The following SORBS2 variants were observed in gnomAD, a reference collection of about 807,000 sequenced individuals.
The protein encoded by SORBS2 is sorbin and SH3 domain-containing protein 2.
In SORBS2, 46 loss-of-function variants were observed where a neutral mutation model predicts 97.7. That is an observed-to-expected ratio of 0.47 (90% CI 0.37 to 0.60). The LOEUF (loss-of-function observed/expected upper bound fraction) is 0.60, where lower values mean the gene tolerates loss of function less well. Ranked by LOEUF, SORBS2 falls within the 20% of genes least tolerant of loss-of-function variation. The pLI is 0.00. For missense variants in SORBS2, 1,316 were observed against 1,282.3 expected (o/e 1.03, Z -0.40); for synonymous variants, 476 against 473.4 (o/e 1.01, Z -0.07).
chr4:185,747,999 A>T lies in SORBS2; in HGVS notation c.-198+27228T>A, dbSNP rs117422057. Among the ~76,000 whole-genome samples, 177 of 152,232 alleles carry T rather than the reference A, an allele frequency of 1.2e-3. 7 individuals are homozygous for T. The East Asian group carries it at 0.029, about 25-fold the overall frequency. ...GAGTGAGACTCAGTTTCAAAAAAAA[A>T]ACAAGGTCTTTGCTGCTTCCACAGA... On this transcript the variant is annotated intron_variant, in intron 2 of 20. Transcript: ENST00000284776.
At chr4:185,755,713 T>TA (rs1371050968) in intron 2 of SORBS2, among the ~76,000 whole-genome samples, 1 of 152,224 alleles carries the variant, frequency 6.6e-6, no homozygotes, top group African/African-American at 2.4e-5. Context: ...AGGTCTCACT[T>TA]AGACTCTCTT....
intron 1 of SORBS2, among the ~76,000 whole-genome samples, chr4:185,783,856 CT>C (rs1649079962): frequency 6.6e-6 from 1 of 152,164 alleles, no homozygotes; most frequent in Admixed American, 6.5e-5. Context: ...GAGGTTCTGT[CT>C]GATGTTTTAT....
chr4:185,657,311 G>A (rs763101299), upstream of SORBS2: 8 of 969,942 alleles, frequency 8.2e-6, no homozygotes, highest in East Asian at 3.1e-5. Context: ...CGGATGGCAC[G>A]GAGGGCAATC....
rs114467250 is a variant in SORBS2 at position 185,805,032 on chromosome 4, A to G, written c.-337-29666T>C. ...TTTTTATTTTACAAAAGAAAATTTTAACTCTTTAGGTTGATTATATTTCTT... is the reference window on the plus strand; with the variant it reads ...TTTTTATTTTACAAAAGAAAATTTTGACTCTTTAGGTTGATTATATTTCTT... On this transcript the variant is annotated intron_variant, in intron 1 of 20. Transcript: ENST00000284776. Among the ~76,000 whole-genome samples, 624 of 152,224 alleles carry G rather than the reference A, an allele frequency of 4.1e-3. 2 individuals are homozygous for G. Among genetic ancestry groups the G allele is most frequent in the Non-Finnish European group, 6.6e-3 (446 of 67,998 alleles).
At chr4:185,731,492 GTCTCTCTCCCTCCCTCCCTGCCTA>G (rs1235949455) in intron 2 of SORBS2, among the ~76,000 whole-genome samples, 206 of 28,956 alleles carry the variant, frequency 7.1e-3, no homozygotes, top group Middle Eastern at 0.042. Context: ...CTCCCTGCCT[GTCTCTCTCCCTCCCTCCCTGCCTA>G]TCTCTCTCCC....
Position 185,652,684 on chromosome 4 carries a change from T to A in SORBS2, c.69A>T (p.Gln23His), listed in dbSNP as rs369360196. ...TACCCGGCTTGTGCACCATGTGAAT[T>A]TGCTTAAACATCGTCTTGTACCAGT... is the stretch of plus-strand genomic sequence containing the variant. Residue 23 changes from glutamine (Q) to histidine (H), a missense_variant, in exon 2 of 15, where the codon CAA (glutamine) becomes CAT (histidine). Gln to His is a conservative substitution (Grantham distance 24, BLOSUM62 0). Coordinates refer to ENST00000418609, the Ensembl canonical transcript of SORBS2. 4.3e-6 allele frequency: 7 copies of A among 1,613,984 alleles called. No individual in the cohort carries two copies. The African/African-American group carries it at 8.0e-5, about 18-fold the overall frequency.
intron 1 of SORBS2, among the ~76,000 whole-genome samples, chr4:185,920,375 T>C (rs2099260410): frequency 6.6e-6 from 1 of 152,206 alleles, no homozygotes; most frequent in Non-Finnish European, 1.5e-5. Context: ...AGTCCAGTCA[T>C]ATATTACACA....
intron 1 of SORBS2, among the ~76,000 whole-genome samples, chr4:185,952,055 T>C (rs1484997550): frequency 1.5e-5 from 2 of 135,366 alleles, no homozygotes; most frequent in East Asian, 3.9e-4. Flanking sequence ...TGATAGAGTC[T>C]CACTCTGTCG....
chr4:185,856,137 A>G (rs751782306), intron 1 of SORBS2, among the ~76,000 whole-genome samples: 2 of 152,174 alleles, frequency 1.3e-5, no homozygotes, highest in Non-Finnish European at 2.9e-5. Flanking sequence ...TTATTCATTT[A>G]GTCCAATGTT....
intron 1 of SORBS2, among the ~76,000 whole-genome samples, chr4:185,876,004 A>G (rs1047701973): frequency 6.6e-6 from 1 of 152,248 alleles, no homozygotes; most frequent in Non-Finnish European, 1.5e-5. Context: ...TCTCAATAAC[A>G]AACTCTTCTC....
chr4:185,620,619 A>G (rs2096705400), intron 7 of SORBS2, among the ~76,000 whole-genome samples: 1 of 152,232 alleles, frequency 6.6e-6, no homozygotes, highest in Non-Finnish European at 1.5e-5. Flanking sequence ...TGAAAAAGAA[A>G]GAGATAAAAC....
chr4:185,783,270 C>A (rs369439821), intron 1 of SORBS2, among the ~76,000 whole-genome samples: 2 of 152,194 alleles, frequency 1.3e-5, no homozygotes, highest in African/African-American at 4.8e-5. Flanking sequence ...AACACAAACC[C>A]TCAGAGACTG....
At chr4:185,735,025 T>G (rs1376430036) in intron 2 of SORBS2, among the ~76,000 whole-genome samples, 5 of 152,356 alleles carry the variant, frequency 3.3e-5, no homozygotes, top group Admixed American at 2.6e-4. Flanking sequence ...CTCTACACTG[T>G]GCAGACAGAA....
intron 2 of SORBS2, among the ~76,000 whole-genome samples, chr4:185,760,892 T>A (rs1034409390): frequency 6.6e-5 from 10 of 152,250 alleles, no homozygotes; most frequent in African/African-American, 2.2e-4. Context: ...CTACTCGGAA[T>A]AATCTGTCAC....
intron 8 of SORBS2, among the ~76,000 whole-genome samples, chr4:185,619,283 C>T (rs80129987): frequency 0.022 from 3,385 of 152,220 alleles, 180 homozygotes; most frequent in East Asian, 0.19. Context: ...GTACCCTGTA[C>T]CCTATAGCTA....
chr4:185,633,032 T>A (rs1423571974), intron 4 of SORBS2, among the ~76,000 whole-genome samples: 1 of 152,232 alleles, frequency 6.6e-6, no homozygotes, highest in South Asian at 2.1e-4. Context: ...TATGATCTAC[T>A]ATTTACATAT....
intron 13 of SORBS2, 105 bp from the exon 26 acceptor site, chr4:185,589,890 A>G (rs2095879958): frequency 2.7e-6 from 2 of 732,108 alleles, no homozygotes; most frequent in African/African-American, 3.5e-5. Context: ...ATTCTTAACA[A>G]CATTCTGTTG....
intron 1 of SORBS2, among the ~76,000 whole-genome samples, chr4:185,907,589 A>G (rs1351165326): frequency 6.6e-6 from 1 of 152,004 alleles, no homozygotes; most frequent in East Asian, 1.9e-4. Flanking sequence ...GATGATGGAT[A>G]TTTTCTTTAA....
At chr4:185,857,679 T>C (rs1471307216) in intron 1 of SORBS2, among the ~76,000 whole-genome samples, 1 of 152,030 alleles carries the variant, frequency 6.6e-6, no homozygotes, top group Non-Finnish European at 1.5e-5. Flanking sequence ...GGAATAACCA[T>C]GGGGAAGGAA....
Sources: gnomAD v4.1 joint callset for allele counts (sites outside exome capture counted in the v4.1 genomes callset) on GRCh38, gnomAD v4.1.1 for gene constraint, MANE v1.5 for transcripts, NCBI Gene and HGNC (gene_info 2026-07-23, HGNC 2026-07-21) for gene names.